ERLIN1: variants seen among roughly 807,000 people sequenced by gnomAD.
ERLIN1 encodes the protein ER lipid raft associated 1.
A neutral mutation model predicts 46.9 loss-of-function variants in ERLIN1; 24 were observed. The observed-to-expected ratio is 0.51, with a 90% CI of 0.37 to 0.72. ERLIN1 has a LOEUF of 0.72. Among genes scored for constraint, ERLIN1 ranks in the 30% least tolerant of loss-of-function variants. ERLIN1 has a pLI of 0.00. For missense variants in ERLIN1, 293 were observed against 417.9 expected (o/e 0.70, Z 2.61); for synonymous variants, 158 against 143.2 (o/e 1.10, Z -0.74).
At position 100,151,663 on chromosome 10, in the gene ERLIN1, G is replaced by A. The variant is rs1842806664; in HGVS notation, c.*468C>T. ...TCTTAATCACATGGATGAAGGCTGG[G>A]ACTGGATCCCAAAGAAAGGGCCTGG... On this transcript the variant is annotated 3_prime_UTR_variant, in exon 11 of 11. Transcript: ENST00000421367. 1 of 226,982 alleles carries A rather than the reference G, an allele frequency of 4.4e-6. No individual in the cohort carries two copies. The highest frequency in any genetic ancestry group is 8.9e-6 in the Non-Finnish European group (1 of 112,628). 14.1% of individuals were successfully genotyped at this position (226,982 alleles called of 1,614,324 possible).
intron 8 of ERLIN1, among the ~76,000 whole-genome samples, chr10:100,157,523 T>C (rs1843140398): frequency 6.6e-6 from 1 of 152,238 alleles, no homozygotes; most frequent in Non-Finnish European, 1.5e-5. Flanking sequence ...GGACATCTTA[T>C]CTCTGACCCC....
At position 100,176,069 on chromosome 10, in the gene ERLIN1, C is replaced by G. The variant is rs961576640; in HGVS notation, c.306G>C (p.Val102=). Residue 102 remains valine, a splice_region_variant and synonymous_variant, in exon 5 of 11, where the codon GTG becomes GTC. Coordinates refer to ENST00000421367, the MANE Select transcript of ERLIN1 (RefSeq NM_006459.4). ...CAGTATAGTTCCTCACGATATCAAA[C>G]ACTGAAGGAGAGGTACAACCCATGT... ...EVVNMLAPYA[V]FDIVRNYTAD... is the part of the protein sequence containing the mutation. 63 of 1,610,976 alleles carry G rather than the reference C, an allele frequency of 3.9e-5. No individual in the cohort carries two copies. The highest frequency in any genetic ancestry group is 5.3e-5 in the Non-Finnish European group (62 of 1,178,444).
At chr10:100,167,804 A>G (rs1843729433) in intron 6 of ERLIN1, among the ~76,000 whole-genome samples, 1 of 152,260 alleles carries the variant, frequency 6.6e-6, no homozygotes, top group Non-Finnish European at 1.5e-5. Flanking sequence ...AGAAACAATT[A>G]GTCAAATACA....
chr10:100,157,786 T>C (rs185102291), intron 8 of ERLIN1, among the ~76,000 whole-genome samples: 1 of 152,172 alleles, frequency 6.6e-6, no homozygotes, highest in Non-Finnish European at 1.5e-5. Flanking sequence ...CCAAAGGATG[T>C]TACCTCAACA....
In ERLIN1 at chr10:100,185,853, C is replaced by A; in HGVS notation, c.-227G>T. ...CAGTGGGCCGCCCCTGCTCGGTGAG[C>A]TTCCTGAAACTCCCTCTCCCAAGGG... On this transcript the variant is annotated 5_prime_UTR_variant, in exon 1 of 11. Coordinates refer to ENST00000421367, the MANE Select transcript of ERLIN1 (RefSeq NM_006459.4). The A allele has an allele frequency of 1.8e-6, 1 of 566,662 alleles. No homozygotes were observed. The highest frequency in any genetic ancestry group is 2.2e-5 in the South Asian group (1 of 45,834). The allele number at this position is 566,662 out of a possible 1,614,324, so 35.1% of individuals were successfully genotyped here.
rs1304735381 is a variant in ERLIN1 at position 100,178,132 on chromosome 10, C to T, written c.304+1G>A. ...AAACCACAGGTAGATGGGTAACATACCTGCATAAGGAGCCAACATATTAAC... is the reference window on the plus strand; with the variant it reads ...AAACCACAGGTAGATGGGTAACATATCTGCATAAGGAGCCAACATATTAAC... On this transcript the variant is annotated splice_donor_variant, in intron 4 of 10. Coordinates refer to ENST00000421367, the MANE Select transcript of ERLIN1 (RefSeq NM_006459.4). LOFTEE classifies it high-confidence loss of function. The T allele has an allele frequency of 1.3e-6, 2 of 1,567,564 alleles. No homozygotes were observed. Among genetic ancestry groups the T allele is most frequent in the Non-Finnish European group, 1.7e-6 (2 of 1,151,018 alleles).
Position 100,151,831 on chromosome 10 carries a change from T to C in ERLIN1, c.*300A>G. The C allele has an allele frequency of 2.4e-6, 1 of 415,700 alleles. No homozygotes were observed. Among genetic ancestry groups the C allele is most frequent in the Admixed American group, 3.5e-5 (1 of 28,244 alleles). 25.8% of individuals were successfully genotyped at this position (415,700 alleles called of 1,614,324 possible). ...GCTTAGGAAAACACAGCTTGTTATA[T>C]ATTTAGTGTTTAACATTCCAGTGCA... is the stretch of plus-strand genomic sequence containing the variant. On this transcript the variant is annotated 3_prime_UTR_variant, in exon 11 of 11. Coordinates refer to ENST00000421367, the MANE Select transcript of ERLIN1 (RefSeq NM_006459.4).
At chr10:100,163,304 C>A (rs542268031) in intron 8 of ERLIN1, among the ~76,000 whole-genome samples, 40 of 150,132 alleles carry the variant, frequency 2.7e-4, no homozygotes, top group Non-Finnish European at 4.7e-4. Context: ...AGAAGTTAAT[C>A]TGAGAAGAAA....
chr10:100,152,458 A>C (rs1842859199), intron 10 of ERLIN1, 106 bp from the exon 11 acceptor site: 2 of 724,102 alleles, frequency 2.8e-6, no homozygotes, highest in Admixed American at 4.0e-5. Flanking sequence ...ATCATGAGTC[A>C]AGTCTGAATA....
In ERLIN1 at chr10:100,176,139, G is replaced by C. The variant is rs1056735729; in HGVS notation, c.305-69C>G. 4 of 1,431,458 alleles carry C rather than the reference G, an allele frequency of 2.8e-6. No individual in the cohort carries two copies. The Admixed American group carries it at 6.3e-5, about 22-fold the overall frequency. The allele number at this position is 1,431,458 out of a possible 1,614,324, so 88.7% of individuals were successfully genotyped here. On this transcript the variant is annotated intron_variant, in intron 4 of 10. Transcript: ENST00000421367. ...CACAGGTACCTTCAAATTCAGCCAGGGTAAAAGTCAGGGTGATATATTACA... is the reference window on the plus strand; with the variant it reads ...CACAGGTACCTTCAAATTCAGCCAGCGTAAAAGTCAGGGTGATATATTACA...
At chr10:100,155,831 T>C (rs1843055059) in intron 9 of ERLIN1, among the ~76,000 whole-genome samples, 2 of 152,210 alleles carry the variant, frequency 1.3e-5, no homozygotes, top group African/African-American at 4.8e-5. Context: ...GGGTTTATTA[T>C]CTTGTATATT....
intron 4 of ERLIN1, 115 bp downstream of exon 4, chr10:100,178,018 C>T (rs2134169030): frequency 1.4e-6 from 1 of 695,230 alleles, no homozygotes; most frequent in South Asian, 1.8e-5. Flanking sequence ...ATTTATTAAT[C>T]AGTGATCAAT....
At chr10:100,181,129 G>A (rs192245642) in intron 2 of ERLIN1, among the ~76,000 whole-genome samples, 3 of 152,182 alleles carry the variant, frequency 2.0e-5, no homozygotes, top group Admixed American at 6.5e-5. Context: ...TTAAATACAC[G>A]TTCCTATTTA....
In ERLIN1 at chr10:100,181,326, A is replaced by G. The variant is rs184229254; in HGVS notation, c.196-2079T>C. ...AAGTGAATCTATGGTTACTTTATGA[A>G]GGCTGAAGGTTTTCATATAATTTCT... On this transcript the variant is annotated intron_variant, in intron 2 of 10. Transcript: ENST00000421367. Among the ~76,000 whole-genome samples, 542 of 152,304 alleles carry G rather than the reference A, an allele frequency of 3.6e-3. 3 individuals are homozygous for G. The highest frequency in any genetic ancestry group is 0.012 in the African/African-American group (508 of 41,568).
At chr10:100,166,278 G>A (rs73337932) in intron 7 of ERLIN1, among the ~76,000 whole-genome samples, 7,426 of 152,136 alleles carry the variant, frequency 0.049, 601 homozygotes, top group African/African-American at 0.17. Context: ...AATTTAGCTA[G>A]GTGTGGTGGC....
At chr10:100,153,507 C>T (rs1309407360) in intron 10 of ERLIN1, among the ~76,000 whole-genome samples, 1 of 152,156 alleles carries the variant, frequency 6.6e-6, no homozygotes, top group African/African-American at 2.4e-5. Context: ...CTGGCCTGTC[C>T]CCCAGGCAAA....
At chr10:100,154,747 C>T in intron 10 of ERLIN1, 113 bp downstream of exon 10, 1 of 799,990 alleles carries the variant, frequency 1.3e-6, no homozygotes, top group Admixed American at 2.3e-5. Flanking sequence ...ATGTCTTGGT[C>T]ACTACACTTT....
intron 6 of ERLIN1, among the ~76,000 whole-genome samples, chr10:100,170,270 T>TA (rs1163014832): frequency 6.6e-6 from 1 of 152,130 alleles, no homozygotes; most frequent in Non-Finnish European, 1.5e-5. Context: ...CCAACTATTG[T>TA]AAAAAAAATT....
At chr10:100,166,042 A>AT (rs1311498793) in intron 7 of ERLIN1, among the ~76,000 whole-genome samples, 1 of 152,186 alleles carries the variant, frequency 6.6e-6, no homozygotes, top group African/African-American at 2.4e-5. Flanking sequence ...TATTTTTTCA[A>AT]TAAGTGGATC....
Sources: allele counts gnomAD v4.1 joint callset (sites outside exome capture counted in the v4.1 genomes callset), GRCh38; gene constraint gnomAD v4.1.1; transcripts MANE v1.5; gene names NCBI Gene and HGNC (gene_info 2026-07-23, HGNC 2026-07-21).